Variants in SLC39A11 observed in about 807,000 individuals in gnomAD.
The protein encoded by SLC39A11 is zinc transporter ZIP11.
In SLC39A11, 33 loss-of-function variants were observed where a neutral mutation model predicts 36.1. The ratio of observed to expected loss-of-function variants is 0.91; its 90% CI spans 0.69 to 1.22. SLC39A11 has a LOEUF of 1.22. Among genes scored for constraint, SLC39A11 ranks in the 50% most tolerant of loss-of-function variants. The probability of loss-of-function intolerance (pLI) is 0.00; values close to 1 mark genes in which losing one functional copy is unlikely to be tolerated. For missense variants in SLC39A11, 432 were observed against 430.3 expected, an observed-to-expected ratio of 1.00 and a Z score of -0.03; for synonymous variants, 166 against 170.3, an observed-to-expected ratio of 0.97 and a Z score of 0.20.
chr17:73,001,510 A>G (rs1356677027), intron 4 of SLC39A11, among the ~76,000 whole-genome samples: 5 of 151,722 alleles, frequency 3.3e-5, no homozygotes, highest in African/African-American at 1.2e-4. Context: ...ACATGTATAC[A>G]TATGTAACTA....
chr17:72,663,270 G>C (rs578091193), intron 7 of SLC39A11, among the ~76,000 whole-genome samples: 1 of 152,316 alleles, frequency 6.6e-6, no homozygotes, highest in South Asian at 2.1e-4. Context: ...CTAAAGGTAG[G>C]ATTTCAGTTC....
intron 4 of SLC39A11, among the ~76,000 whole-genome samples, chr17:72,987,927 CATGA>C (rs2088879139): frequency 6.6e-6 from 1 of 152,144 alleles, no homozygotes; most frequent in Non-Finnish European, 1.5e-5. Flanking sequence ...TTACTCTTGG[CATGA>C]ATGGTTTAAA....
chr17:73,059,128 T>C (rs1325227637), intron 3 of SLC39A11, among the ~76,000 whole-genome samples: 1 of 152,228 alleles, frequency 6.6e-6, no homozygotes, highest in Non-Finnish European at 1.5e-5. Flanking sequence ...CTGCTAAACA[T>C]AAGTTTCAAG....
chr17:72,739,626 C>A (rs1184048484), intron 6 of SLC39A11, among the ~76,000 whole-genome samples: 1 of 152,132 alleles, frequency 6.6e-6, no homozygotes, highest in Non-Finnish European at 1.5e-5. Context: ...ACAGCAGCAT[C>A]AAGCCTTCTG....
intron 6 of SLC39A11, among the ~76,000 whole-genome samples, chr17:72,750,052 T>A (rs2075093743): frequency 6.6e-6 from 1 of 152,134 alleles, no homozygotes. Flanking sequence ...AGACTGGGGA[T>A]TCCTGGGGCA....
intron 4 of SLC39A11, among the ~76,000 whole-genome samples, chr17:73,000,780 C>T (rs986463295): frequency 6.6e-6 from 1 of 152,200 alleles, no homozygotes; most frequent in Non-Finnish European, 1.5e-5. Flanking sequence ...ACATACCTTC[C>T]TATAGCTCCA....
At chr17:72,889,536 C>CAA (rs10536927) in intron 5 of SLC39A11, among the ~76,000 whole-genome samples, 5 of 140,874 alleles carry the variant, frequency 3.5e-5, no homozygotes, top group East Asian at 2.0e-4. Context: ...GACTCCATCT[C>CAA]AAAAAAAAAA....
intron 5 of SLC39A11, among the ~76,000 whole-genome samples, chr17:72,854,768 C>G (rs2079549666): frequency 6.6e-6 from 1 of 152,174 alleles, no homozygotes; most frequent in Non-Finnish European, 1.5e-5. Flanking sequence ...TCCATCTTTC[C>G]TGGAAAAGAA....
intron 6 of SLC39A11, among the ~76,000 whole-genome samples, chr17:72,833,778 A>T (rs1401040351): frequency 1.3e-5 from 2 of 152,052 alleles, no homozygotes; most frequent in African/African-American, 2.4e-5. Context: ...CCATCCCCCG[A>T]CATCAGACAT....
intron 3 of SLC39A11, among the ~76,000 whole-genome samples, chr17:73,045,521 C>T (rs1190012828): frequency 6.6e-6 from 1 of 151,810 alleles, no homozygotes; most frequent in Non-Finnish European, 1.5e-5. Flanking sequence ...AGTGAGATGC[C>T]CAGCTGGACT....
At chr17:72,947,934 C>T (rs1430069482) in intron 4 of SLC39A11, 59 bp from the exon 5 acceptor site, 7 of 1,594,734 alleles carry the variant, frequency 4.4e-6, no homozygotes, top group Admixed American at 1.7e-5. Flanking sequence ...TCCCCAGATG[C>T]TTCTGGCTCA....
chr17:73,035,512 C>T (rs2058877412), intron 3 of SLC39A11, among the ~76,000 whole-genome samples: 1 of 152,144 alleles, frequency 6.6e-6, no homozygotes, highest in African/African-American at 2.4e-5. Flanking sequence ...GTGAATATTT[C>T]ACCTTACAAG....
intron 4 of SLC39A11, among the ~76,000 whole-genome samples, chr17:72,979,202 G>T (rs774901576): frequency 2.0e-5 from 3 of 152,008 alleles, no homozygotes; most frequent in African/African-American, 4.8e-5. Context: ...CCTTCCTGCC[G>T]CCTTGTGAAG....
At chr17:72,944,231 T>C (rs577931750) in intron 5 of SLC39A11, among the ~76,000 whole-genome samples, 3 of 152,338 alleles carry the variant, frequency 2.0e-5, no homozygotes, top group African/African-American at 7.2e-5. Context: ...TGCCACGGTA[T>C]TGGCCTCTGT....
chr17:72,909,100 C>T (rs2082823657), intron 5 of SLC39A11, among the ~76,000 whole-genome samples: 1 of 152,184 alleles, frequency 6.6e-6, no homozygotes, highest in Non-Finnish European at 1.5e-5. Flanking sequence ...CTGGAAAAAT[C>T]TTTTTGTTTT....
At chr17:72,697,594 G>A (rs954640451) in intron 7 of SLC39A11, among the ~76,000 whole-genome samples, 3 of 152,050 alleles carry the variant, frequency 2.0e-5, no homozygotes, top group Admixed American at 6.6e-5. Context: ...CAATGAGCTC[G>A]CTATGCCACA....
At chr17:73,067,969 G>T in intron 3 of SLC39A11, 1 of 1,593,884 alleles carries the variant, frequency 6.3e-7, no homozygotes, top group Non-Finnish European at 8.6e-7. Context: ...AAGGAGCAAA[G>T]GACTGATTCA....
chr17:73,029,715 G>A (rs1474231671), intron 4 of SLC39A11, among the ~76,000 whole-genome samples: 1 of 152,002 alleles, frequency 6.6e-6, no homozygotes, highest in African/African-American at 2.4e-5. Flanking sequence ...CTGAGTAGCT[G>A]GGATTACAGG....
At chr17:72,988,602 C>T (rs1485135844) in intron 4 of SLC39A11, among the ~76,000 whole-genome samples, 2 of 152,044 alleles carry the variant, frequency 1.3e-5, no homozygotes, top group Non-Finnish European at 1.5e-5. Context: ...ATCTGAAACT[C>T]GGTACCTTTT....
Sources: allele counts gnomAD v4.1 joint callset (sites outside exome capture counted in the v4.1 genomes callset), GRCh38; gene constraint gnomAD v4.1.1; transcripts MANE v1.5; gene names NCBI Gene and HGNC (gene_info 2026-07-23, HGNC 2026-07-21).